The following ARHGEF5 variants were observed in gnomAD, a reference collection of about 807,000 sequenced individuals.
ARHGEF5 encodes Rho guanine nucleotide exchange factor 5.
A neutral mutation model predicts 104.0 loss-of-function variants in ARHGEF5; 11 were observed. The observed-to-expected ratio is 0.11, with a 90% CI of 0.07 to 0.18. The LOEUF (loss-of-function observed/expected upper bound fraction) is 0.18. ARHGEF5 is among the 10% of genes least tolerant of loss of function. The probability of loss-of-function intolerance (pLI) is 1.00; values close to 1 mark genes in which losing one functional copy is unlikely to be tolerated. For synonymous variants in ARHGEF5, 60 were observed against 512.2 expected, an observed-to-expected ratio of 0.12 and a Z score of 11.92; for missense variants, 165 against 1,335.4, an observed-to-expected ratio of 0.12 and a Z score of 13.66.
In ARHGEF5 at chr7:144,361,079, T is replaced by G. The variant is rs536077824; in HGVS notation, c.-12-1579T>G. 5.6e-3 allele frequency among the ~76,000 whole-genome samples: 801 copies of G among 142,624 alleles called. 15 individuals are homozygous for G. Among genetic ancestry groups the G allele is most frequent in the African/African-American group, 0.02 (768 of 38,506 alleles). The allele number at this position is 142,624 out of a possible 152,430, so 93.6% of individuals were successfully genotyped here. A position where few individuals can be genotyped will look rare whatever the true frequency, so the allele number is the denominator to read the frequency against. ...CCCGTCTCTACTAAAAGTACAAAAA[T>G]TAGCTGGGTGTGGTGGCACACACCT... On this transcript the variant is annotated intron_variant, in intron 1 of 14. Coordinates refer to ENST00000056217, the MANE Select transcript of ARHGEF5 (RefSeq NM_005435.4).
intron 13 of ARHGEF5, among the ~76,000 whole-genome samples, chr7:144,377,834 C>T (rs1354083918): frequency 2.0e-5 from 3 of 152,152 alleles, no homozygotes. Flanking sequence ...AGTAGGAGAG[C>T]CGTGTAGTAA....
intron 10 of ARHGEF5, among the ~76,000 whole-genome samples, chr7:144,374,137 C>T (rs1335849965): frequency 1.4e-4 from 10 of 69,472 alleles, no homozygotes; most frequent in Middle Eastern, 8.2e-3. Flanking sequence ...CCACCACGCT[C>T]GTGCTTAGAA....
In ARHGEF5 at chr7:144,378,800, C is replaced by A; in HGVS notation, c.4570C>A (p.Arg1524=). 6.2e-7 allele frequency: 1 copy of A among 1,614,002 alleles called. No individual in the cohort carries two copies. The highest frequency in any genetic ancestry group is 8.5e-7 in the Non-Finnish European group (1 of 1,179,974). ...ACAGTGCCTTCGAGCCTACAAGCCCCGAGAGAATGATGAATTGGCACTGGA... is the reference window on the plus strand; with the variant it reads ...ACAGTGCCTTCGAGCCTACAAGCCCAGAGAGAATGATGAATTGGCACTGGA... ...QVQCLRAYKP[R]ENDELALEKA... Residue 1524 remains arginine, a synonymous_variant, in exon 14 of 15, where the codon CGA becomes AGA. Coordinates refer to ENST00000056217, the MANE Select transcript of ARHGEF5 (RefSeq NM_005435.4).
At chr7:144,361,142 G>C (rs28545099) in intron 1 of ARHGEF5, among the ~76,000 whole-genome samples, 44,223 of 127,432 alleles carry the variant, frequency 0.35, 5,943 homozygotes, top group East Asian at 0.57. Flanking sequence ...GCAGGAGAAT[G>C]GCTTGAACCC....
At chr7:144,373,425 T>C in intron 10 of ARHGEF5, 141 bp downstream of exon 10, 1 of 448,892 alleles carries the variant, frequency 2.2e-6, no homozygotes, top group South Asian at 2.4e-5. Context: ...TTCTGTCCTA[T>C]TTCTGGGAGG....
chr7:144,379,452 C>T (rs2053784650), intron 14 of ARHGEF5, among the ~76,000 whole-genome samples: 1 of 152,016 alleles, frequency 6.6e-6, no homozygotes. Flanking sequence ...TCAAGCAGTC[C>T]ACCCACCTCG....
Position 144,380,348 on chromosome 7 carries a change from C to T in ARHGEF5, c.*292C>T. 3.6e-6 allele frequency: 1 copy of T among 274,548 alleles called. No homozygotes were observed. The highest frequency in any genetic ancestry group is 7.0e-6 in the Non-Finnish European group (1 of 142,614). 17.0% of individuals were successfully genotyped at this position (274,548 alleles called of 1,614,324 possible). A position where few individuals can be genotyped will look rare whatever the true frequency, so the allele number is the denominator to read the frequency against. ...ACTTTCCTTCTACTGCCTTATAGTG[C>T]TTAAACATTCTCCGCCTCCAGGGTG... On this transcript the variant is annotated 3_prime_UTR_variant, in exon 15 of 15. Transcript: ENST00000056217.
intron 13 of ARHGEF5, among the ~76,000 whole-genome samples, chr7:144,377,603 C>T (rs984056679): frequency 6.6e-6 from 1 of 152,182 alleles, no homozygotes. Flanking sequence ...CTGAGGTCAC[C>T]TACCCCAGGC....
chr7:144,361,224 C>A (rs1289219115), intron 1 of ARHGEF5, among the ~76,000 whole-genome samples: 1 of 56,434 alleles, frequency 1.8e-5, no homozygotes, highest in Non-Finnish European at 4.0e-5. Context: ...AAGACTCCAT[C>A]TCAAAAAAAA....
chr7:144,377,289 T>C (rs1663478553), intron 13 of ARHGEF5, 99 bp downstream of exon 13: 1 of 1,548,362 alleles, frequency 6.5e-7, no homozygotes, highest in African/African-American at 1.4e-5. Context: ...TAGGCTTTCA[T>C]TTATTGATAT....
At chr7:144,373,850 T>C (rs969486059) in intron 10 of ARHGEF5, among the ~76,000 whole-genome samples, 15 of 148,694 alleles carry the variant, frequency 1.0e-4, no homozygotes, top group Non-Finnish European at 1.8e-4. Flanking sequence ...TACTATCTTT[T>C]TTTTTTTTTT....
chr7:144,373,915 C>G (rs2053741574), intron 10 of ARHGEF5, among the ~76,000 whole-genome samples: 1 of 136,994 alleles, frequency 7.3e-6, no homozygotes, highest in Non-Finnish European at 1.6e-5. Context: ...GATCTTGGCT[C>G]ACTGCAACCT....
At chr7:144,360,127 C>T (rs1329223254) in intron 1 of ARHGEF5, among the ~76,000 whole-genome samples, 1 of 117,312 alleles carries the variant, frequency 8.5e-6, no homozygotes, top group Non-Finnish European at 1.8e-5. Context: ...GACAGAGTCT[C>T]ACTCTGTCAC....
Position 144,363,999 on chromosome 7 carries a change from C to T in ARHGEF5, c.1330C>T (p.Leu444=). ...TCAGACAGAGTCCAGGGCTGAGGAACTGTCCCCCGCAGCTCTGTCTCCCTC... is the reference window on the plus strand; with the variant it reads ...TCAGACAGAGTCCAGGGCTGAGGAATTGTCCCCCGCAGCTCTGTCTCCCTC... The part of the protein sequence containing the change: ...GTQTESRAEE[L]SPAALSPSLE... Residue 444 remains leucine, a synonymous_variant, in exon 2 of 15, where the codon CTG becomes TTG. Transcript: ENST00000056217. 1 of 1,403,518 alleles carries T rather than the reference C, an allele frequency of 7.1e-7. No homozygotes were observed. Among genetic ancestry groups the T allele is most frequent in the African/African-American group, 1.7e-5 (1 of 59,696 alleles). 86.9% of individuals were successfully genotyped at this position (1,403,518 alleles called of 1,614,324 possible).
chr7:144,361,182 G>A (rs1391614808), intron 1 of ARHGEF5, among the ~76,000 whole-genome samples: 1 of 134,422 alleles, frequency 7.4e-6, no homozygotes, highest in Non-Finnish European at 1.6e-5. Context: ...ACCCAAGATT[G>A]CACCACGGCA....
chr7:144,380,240 G>A lies in ARHGEF5; in HGVS notation c.*184G>A. On this transcript the variant is annotated 3_prime_UTR_variant, in exon 15 of 15. Coordinates refer to ENST00000056217, the MANE Select transcript of ARHGEF5 (RefSeq NM_005435.4). ...CCTTTCGTGCTTTGTGCTTGGTGGGGGGGATTTCGAGGGACTTTGCACTGG... is the reference window on the plus strand; with the variant it reads ...CCTTTCGTGCTTTGTGCTTGGTGGGAGGGATTTCGAGGGACTTTGCACTGG... 2.8e-6 allele frequency: 2 copies of A among 706,640 alleles called. No homozygotes were observed. Among genetic ancestry groups the A allele is most frequent in the Non-Finnish European group, 2.2e-6 (1 of 444,872 alleles). The allele number at this position is 706,640 out of a possible 1,614,324, so 43.8% of individuals were successfully genotyped here.
Position 144,360,257 on chromosome 7 carries a change from C to T in ARHGEF5, c.-12-2401C>T, listed in dbSNP as rs1228746223. Reference sequence around the variant, plus strand: ...TCCCGAGTAGCTGGAACTACAGGCACGTGCCACCATGCTCCACTAATTTTT... The same window carrying T: ...TCCCGAGTAGCTGGAACTACAGGCATGTGCCACCATGCTCCACTAATTTTT... On this transcript the variant is annotated intron_variant, in intron 1 of 14. Coordinates refer to ENST00000056217, the MANE Select transcript of ARHGEF5 (RefSeq NM_005435.4). 4.3e-5 allele frequency among the ~76,000 whole-genome samples: 5 copies of T among 117,616 alleles called. 2 individuals carry two copies. Among genetic ancestry groups the T allele is most frequent in the African/African-American group, 1.6e-4 (5 of 30,628 alleles). 77.2% of individuals were successfully genotyped at this position (117,616 alleles called of 152,430 possible). A position where few individuals can be genotyped will look rare whatever the true frequency, so the allele number is the denominator to read the frequency against.
In ARHGEF5 at chr7:144,378,999, C is replaced by T. The variant is rs2053781796; in HGVS notation, c.4636+133C>T. On this transcript the variant is annotated intron_variant, in intron 14 of 14. Coordinates refer to ENST00000056217, the MANE Select transcript of ARHGEF5 (RefSeq NM_005435.4). ...GCTTATGGCAACAGAAATGCATTCT[C>T]TCACAGTTCTGGAGGCAAGAAGTCC... is the stretch of plus-strand genomic sequence containing the variant. 4 of 859,276 alleles carry T rather than the reference C, an allele frequency of 4.7e-6. No individual in the cohort carries two copies. The African/African-American group carries it at 5.1e-5, about 11-fold the overall frequency. The allele number at this position is 859,276 out of a possible 1,614,324, so 53.2% of individuals were successfully genotyped here.
Position 144,363,709 on chromosome 7 carries a change from C to G in ARHGEF5, c.1040C>G (p.Thr347Ser), listed in dbSNP as rs3823677. The part of the protein sequence containing the change: ...RADSQDEKSQ[T>S]FLGKSEEVTG... ...GACTCTCAGGACGAAAAGAGTCAAACCTTTTTGGGAAAATCAGAGGAAGTA... is the reference window on the plus strand; with the variant it reads ...GACTCTCAGGACGAAAAGAGTCAAAGCTTTTTGGGAAAATCAGAGGAAGTA... The change falls in exon 2 of 15, where the codon ACC (threonine) becomes AGC (serine). Residue 347 changes from threonine (T) to serine (S), a missense_variant. Thr to Ser is a moderately conservative substitution (Grantham distance 58). Coordinates refer to ENST00000056217, the MANE Select transcript of ARHGEF5 (RefSeq NM_005435.4). 2.0e-6 allele frequency: 3 copies of G among 1,463,620 alleles called. No homozygotes were observed. Among genetic ancestry groups the G allele is most frequent in the Non-Finnish European group, 2.8e-6 (3 of 1,059,862 alleles). The allele number at this position is 1,463,620 out of a possible 1,614,324, so 90.7% of individuals were successfully genotyped here. A position where few individuals can be genotyped will look rare whatever the true frequency, so the allele number is the denominator to read the frequency against.
Sources: gnomAD v4.1 joint callset for allele counts (sites outside exome capture counted in the v4.1 genomes callset) on GRCh38, gnomAD v4.1.1 for gene constraint, MANE v1.5 for transcripts, NCBI Gene and HGNC (gene_info 2026-07-23, HGNC 2026-07-21) for gene names.